PCDHGA9: variants seen among roughly 807,000 people sequenced by gnomAD.
PCDHGA9 encodes the protein protocadherin gamma subfamily A, 9, also known as protocadherin gamma-A9.
A neutral mutation model predicts 62.5 loss-of-function variants in PCDHGA9; 37 were observed. The observed-to-expected ratio is 0.59, with a 90% confidence interval of 0.46 to 0.78. PCDHGA9 has a LOEUF of 0.78. PCDHGA9 is among the 30% of genes least tolerant of loss of function. The pLI is 0.00. For synonymous variants in PCDHGA9, 459 were observed against 484.6 expected (o/e 0.95, Z 0.69); for missense variants, 1,138 against 1,166.2 (o/e 0.98, Z 0.35).
chr5:141,476,597 G>C lies in PCDHGA9; in HGVS notation c.2425-18210G>C, dbSNP rs2099394582. On this transcript the variant is annotated intron_variant, in intron 1 of 3. Coordinates refer to ENST00000573521, the MANE Select transcript of PCDHGA9 (RefSeq NM_018921.3). The surrounding 1 kb of genome is among the most constrained non-coding windows in gnomAD (Gnocchi z 7.6). ...GCGCTTTCCGCTCGAGAGCGCGCAC[G>C]ATCCCGATGTGGGAAGCAACTCTTT... The C allele has an allele frequency of 1.2e-6, 2 of 1,614,112 alleles. No individual in the cohort carries two copies. The highest frequency in any genetic ancestry group is 1.7e-6 in the Non-Finnish European group (2 of 1,180,046).
In PCDHGA9 at chr5:141,420,274, GGTAA is replaced by G. The variant is rs1362175190; in HGVS notation, c.2424+14902_2424+14905del. 5.9e-6 allele frequency: 9 copies of G among 1,525,426 alleles called. 1 individual carries two copies. The highest frequency in any genetic ancestry group is 2.1e-5 in the Admixed American group (1 of 48,284). 94.5% of individuals were successfully genotyped at this position (1,525,426 alleles called of 1,614,324 possible). On this transcript the variant is annotated intron_variant, in intron 1 of 3. Coordinates refer to ENST00000573521, the MANE Select transcript of PCDHGA9 (RefSeq NM_018921.3). ...AAGCAGATAAGAAGATTCTTAAACAGGTAAGTATTTAAAAATGTATTTAATCCTT... is the reference window on the plus strand; with the variant it reads ...AAGCAGATAAGAAGATTCTTAAACAGGTATTTAAAAATGTATTTAATCCTT...
chr5:141,463,466 T>G (rs1400160593), intron 1 of PCDHGA9, among the ~76,000 whole-genome samples: 2 of 142,982 alleles, frequency 1.4e-5, no homozygotes, highest in African/African-American at 5.2e-5. Context: ...TTTTTTTTTT[T>G]GAGATGGAGT....
chr5:141,428,392 T>A, intron 1 of PCDHGA9: 1 of 497,196 alleles, frequency 2.0e-6, no homozygotes, highest in Admixed American at 3.1e-5. Flanking sequence ...TTCCAGCCCC[T>A]CTGCCTGGGG....
chr5:141,421,288 C>T, intron 1 of PCDHGA9: 1 of 1,613,312 alleles, frequency 6.2e-7, no homozygotes, highest in Non-Finnish European at 8.5e-7. Context: ...GTGCATTTTC[C>T]TGGGGACGCT....
intron 2 of PCDHGA9, among the ~76,000 whole-genome samples, chr5:141,500,001 A>G (rs961582279): frequency 6.6e-5 from 10 of 151,914 alleles, no homozygotes; most frequent in African/African-American, 2.4e-4. Context: ...TGATTCTTTC[A>G]TAAGGTCCAC....
At chr5:141,446,508 G>A (rs932199756) in intron 1 of PCDHGA9, among the ~76,000 whole-genome samples, 4 of 151,356 alleles carry the variant, frequency 2.6e-5, no homozygotes, top group Non-Finnish European at 5.9e-5. Flanking sequence ...ATGGAGTCTC[G>A]CTCTGTCACC....
intron 1 of PCDHGA9, chr5:141,478,239 C>T: frequency 1.2e-6 from 2 of 1,614,132 alleles, no homozygotes; most frequent in Non-Finnish European, 1.7e-6. Context: ...TTTGTGGTCA[C>T]AGTGTTCGGA....
rs1203060261 is a variant in PCDHGA9, at chr5:141,493,037, AG to A, written c.2425-1768del. 3.3e-5 allele frequency among the ~76,000 whole-genome samples: 5 copies of A among 152,252 alleles called. No individual in the cohort carries two copies. The highest frequency in any genetic ancestry group is 2.6e-4 in the Admixed American group (4 of 15,290). ...AGATGCCAGGGTGCCCTTATGTGTG[AG>A]GAAACTACAATAGTAAAAAACACAA... is the stretch of plus-strand genomic sequence containing the variant. On this transcript the variant is annotated intron_variant, in intron 1 of 3. Transcript: ENST00000573521. This position sits in a 1 kb window ranked among gnomAD's most constrained non-coding sequence, Gnocchi z 4.3.
Position 141,487,564 on chromosome 5 carries a change from G to A in PCDHGA9, c.2425-7243G>A, listed in dbSNP as rs1436847912. ...AGTCACCCAGTGCACCTATGGCAGG[G>A]GAGCCTGTTCGCCCAAGCTGCCCAC... On this transcript the variant is annotated intron_variant, in intron 1 of 3. Coordinates refer to ENST00000573521, the MANE Select transcript of PCDHGA9 (RefSeq NM_018921.3). This position sits in a 1 kb window ranked among gnomAD's most constrained non-coding sequence, Gnocchi z 5.0. 3 of 1,614,178 alleles carry A rather than the reference G, an allele frequency of 1.9e-6. No homozygotes were observed. Among genetic ancestry groups the A allele is most frequent in the Non-Finnish European group, 2.5e-6 (3 of 1,180,040 alleles).
chr5:141,477,351 G>A lies in PCDHGA9; in HGVS notation c.2425-17456G>A. 6.2e-7 allele frequency: 1 copy of A among 1,614,126 alleles called. No homozygotes were observed. The highest frequency in any genetic ancestry group is 8.5e-7 in the Non-Finnish European group (1 of 1,180,018). On this transcript the variant is annotated intron_variant, in intron 1 of 3. Transcript: ENST00000573521. This position sits in a 1 kb window ranked among gnomAD's most constrained non-coding sequence, Gnocchi z 4.9. ...AAGAATTACTTCACTTTGAAAACCA[G>A]TGCAGACCTGGATCGGGAGACTGTG...
intron 1 of PCDHGA9, chr5:141,415,086 G>C: frequency 5.6e-6 from 9 of 1,613,554 alleles, no homozygotes; most frequent in Non-Finnish European, 6.8e-6. Context: ...GAGCCCTGCT[G>C]GACAGAGACG....
rs368202826 is a variant in PCDHGA9 at position 141,405,103 on chromosome 5, G to A, written c.2151G>A (p.Arg717=). 1.2e-6 allele frequency: 2 copies of A among 1,613,922 alleles called. No individual in the cohort carries two copies. Among genetic ancestry groups the A allele is most frequent in the Non-Finnish European group, 1.7e-6 (2 of 1,179,832 alleles). The part of the protein sequence containing the change: ...FVITLLALRL[R]HWHSSHLLRA... ...TCACGCTGCTGGCCCTCAGGCTGAG[G>A]CACTGGCACTCCTCGCATCTGCTGC... The change falls in exon 1 of 4, where the codon AGG becomes AGA. Residue 717 remains arginine, a synonymous_variant. Transcript: ENST00000573521.
chr5:141,469,676 A>G (rs1227075639), intron 1 of PCDHGA9, among the ~76,000 whole-genome samples: 1 of 152,250 alleles, frequency 6.6e-6, no homozygotes, highest in African/African-American at 2.4e-5. Context: ...ATAAAACTAC[A>G]TATGCATTGG....
rs769153122 is a variant in PCDHGA9 at position 141,485,243 on chromosome 5, C to T, written c.2425-9564C>T. 8 of 1,614,062 alleles carry T rather than the reference C, an allele frequency of 5.0e-6. No homozygotes were observed. In the Admixed American group the frequency reaches 1.2e-4, roughly 24 times the overall value. ...TACCCTTTTGTTCCTCTTTTACCACCTGGGTTACGTTTGTGGGCAGATCCG... is the reference window on the plus strand; with the variant it reads ...TACCCTTTTGTTCCTCTTTTACCACTTGGGTTACGTTTGTGGGCAGATCCG... On this transcript the variant is annotated intron_variant, in intron 1 of 3. Transcript: ENST00000573521. The surrounding 1 kb of genome is among the most constrained non-coding windows in gnomAD (Gnocchi z 5.7).
chr5:141,429,572 T>C (rs1450720834), intron 1 of PCDHGA9, among the ~76,000 whole-genome samples: 1 of 152,226 alleles, frequency 6.6e-6, no homozygotes, highest in South Asian at 2.1e-4. Context: ...TTCAGTTACA[T>C]TTACTTTTGA....
In PCDHGA9 at chr5:141,432,171, T is replaced by C. The variant is rs114326665; in HGVS notation, c.2424+26795T>C. On this transcript the variant is annotated intron_variant, in intron 1 of 3. Coordinates refer to ENST00000573521, the MANE Select transcript of PCDHGA9 (RefSeq NM_018921.3). This position sits in a 1 kb window ranked among gnomAD's most constrained non-coding sequence, Gnocchi z 6.0. ...GAGAACAATCCCAGAGGAGTTTCCC[T>C]CGTCTCTGTGACCGCCCACGACCCC... The C allele has an allele frequency of 4.4e-5, 71 of 1,614,046 alleles. No individual in the cohort carries two copies. In the African/African-American group the frequency reaches 8.5e-4, roughly 19 times the overall value.
intron 1 of PCDHGA9, among the ~76,000 whole-genome samples, chr5:141,457,171 T>C (rs1337137368): frequency 3.3e-5 from 5 of 152,216 alleles, no homozygotes; most frequent in Non-Finnish European, 7.3e-5. Flanking sequence ...GATAACCCTA[T>C]TGCAAATAGT....
intron 1 of PCDHGA9, chr5:141,413,772 A>G: frequency 1.9e-6 from 3 of 1,613,226 alleles, no homozygotes; most frequent in Non-Finnish European, 2.5e-6. Context: ...CGGAGCTGGT[A>G]CTGGAGCACT....
Position 141,418,514 on chromosome 5 carries a change from G to A in PCDHGA9, c.2424+13138G>A. Reference sequence around the variant, plus strand: ...GGTACTGACCGCCTTAGATGGTGGGGACCCTCCCCGAAGCGGTACTGCTCA... The same window carrying A: ...GGTACTGACCGCCTTAGATGGTGGGAACCCTCCCCGAAGCGGTACTGCTCA... On this transcript the variant is annotated intron_variant, in intron 1 of 3. Transcript: ENST00000573521. 1 of 1,613,996 alleles carries A rather than the reference G, an allele frequency of 6.2e-7. No homozygotes were observed.
Sources: allele counts gnomAD v4.1 joint callset (sites outside exome capture counted in the v4.1 genomes callset), GRCh38; gene constraint gnomAD v4.1.1; non-coding constraint Gnocchi (gnomAD v3.1); transcripts MANE v1.5; gene names NCBI Gene and HGNC (gene_info 2026-07-23, HGNC 2026-07-21).